HCN4: variants seen among roughly 807,000 people sequenced by gnomAD.
The protein encoded by HCN4 is hyperpolarization activated cyclic nucleotide gated potassium channel 4.
In HCN4, 29 loss-of-function variants were observed where a neutral mutation model predicts 76.9. The observed-to-expected ratio is 0.38, with a 90% CI of 0.28 to 0.51. The LOEUF is 0.51. Ranked by LOEUF, HCN4 falls within the 20% of genes least tolerant of loss-of-function variation. The pLI is 0.90. For missense variants in HCN4, 1,416 were observed against 1,715.2 expected (o/e 0.83, Z 3.08); for synonymous variants, 772 against 762.5 (o/e 1.01, Z -0.21).
At position 73,323,214 on chromosome 15, in the gene HCN4, G is replaced by T. The variant is rs2042874463; in HGVS notation, c.2879C>A (p.Pro960Gln). 3 of 1,532,340 alleles carry T rather than the reference G, an allele frequency of 2.0e-6. No homozygotes were observed. Among genetic ancestry groups the T allele is most frequent in the East Asian group, 2.3e-5 (1 of 43,748 alleles). The allele number at this position is 1,532,340 out of a possible 1,614,324, so 94.9% of individuals were successfully genotyped here. A position where few individuals can be genotyped will look rare whatever the true frequency, so the allele number is the denominator to read the frequency against. Residue 960 changes from proline (P) to glutamine (Q), a missense_variant, in exon 8 of 8, where the codon CCA becomes CAA. Physicochemically the swap from Pro to Gln is moderately conservative, Grantham distance 76. Around this residue, in one of 6 missense-constraint regions of HCN4, gnomAD observed 633 missense variants for 579.8 expected, o/e 1.09. Coordinates refer to ENST00000261917, the MANE Select transcript of HCN4 (RefSeq NM_005477.3). The part of the protein sequence containing the change: ...GGLGLPEHFL[P>Q]PPPSSRSPSS... ...CGGGGATCTGGATGAGGGTGGGGGT[G>T]GCAGGAAGTGCTCCGGGAGTCCCAG...
At chr15:73,351,050 A>G (rs2043053323) in intron 1 of HCN4, among the ~76,000 whole-genome samples, 1 of 151,968 alleles carries the variant, frequency 6.6e-6, no homozygotes, top group Non-Finnish European at 1.5e-5. Context: ...GCTAAATCCA[A>G]TGGTCACTTT....
intron 2 of HCN4, chr15:73,341,111 T>C (rs1190605301): frequency 2.6e-5 from 4 of 151,046 alleles, no homozygotes; most frequent in Non-Finnish European, 5.9e-5. Context: ...TGTATAAATA[T>C]ATATATATTA....
intron 2 of HCN4, among the ~76,000 whole-genome samples, chr15:73,334,699 C>G (rs548842471): frequency 6.6e-6 from 1 of 151,870 alleles, no homozygotes; most frequent in African/African-American, 2.4e-5. Context: ...CAGCCTCCCC[C>G]TCAAACAAGC....
chr15:73,337,758 A>G (rs1304351921), intron 2 of HCN4, among the ~76,000 whole-genome samples: 1 of 152,074 alleles, frequency 6.6e-6, no homozygotes, highest in African/African-American at 2.4e-5. Flanking sequence ...TAGTGTAGAC[A>G]GTGGAAGAAC....
chr15:73,351,663 G>C (rs2043055411), intron 1 of HCN4, among the ~76,000 whole-genome samples: 1 of 152,150 alleles, frequency 6.6e-6, no homozygotes, highest in Admixed American at 6.5e-5. Flanking sequence ...ACATACCTCA[G>C]GGTCAGGGCT....
At chr15:73,364,730 GGTAGA>G (rs1166307670) in intron 1 of HCN4, among the ~76,000 whole-genome samples, 1 of 152,136 alleles carries the variant, frequency 6.6e-6, no homozygotes, top group African/African-American at 2.4e-5. Flanking sequence ...ATCGGGGGCA[GGTAGA>G]GTAATGAGAA....
chr15:73,324,862 G>A, intron 6 of HCN4, 93 bp downstream of exon 6: 8 of 1,511,542 alleles, frequency 5.3e-6, no homozygotes, highest in South Asian at 1.2e-5. Context: ...CTGTGGCCAA[G>A]AAGGGTGCTC....
chr15:73,335,402 A>C (rs764612997), intron 2 of HCN4: 1 of 152,318 alleles, frequency 6.6e-6, no homozygotes, highest in Non-Finnish European at 1.5e-5. Context: ...CACAAGCCAC[A>C]GATTTGGATA....
chr15:73,356,374 CTTTTTTTTTTT>C (rs71137342), intron 1 of HCN4, among the ~76,000 whole-genome samples: 3 of 118,180 alleles, frequency 2.5e-5, no homozygotes, highest in Admixed American at 1.7e-4. Flanking sequence ...CTTTTCTTTT[CTTTTTTTTTTT>C]TTTTTTTTGT....
intron 7 of HCN4, 44 bp downstream of exon 7, chr15:73,324,045 C>T (rs772129638): frequency 1.2e-6 from 2 of 1,605,502 alleles, no homozygotes. Context: ...GCCCTCCTCC[C>T]CCAACACCCC....
At chr15:73,365,826 C>A (rs2043125876) in intron 1 of HCN4, among the ~76,000 whole-genome samples, 1 of 152,144 alleles carries the variant, frequency 6.6e-6, no homozygotes, top group Non-Finnish European at 1.5e-5. Flanking sequence ...GAGGGGAGGG[C>A]CCTTCAGCAA....
At position 73,368,157 on chromosome 15, in the gene HCN4, C is replaced by T. The variant is rs2043138792; in HGVS notation, c.114G>A (p.Gly38=). 1 of 1,526,154 alleles carries T rather than the reference C, an allele frequency of 6.6e-7. No individual in the cohort carries two copies. The highest frequency in any genetic ancestry group is 1.2e-5 in the South Asian group (1 of 82,154). 94.5% of individuals were successfully genotyped at this position (1,526,154 alleles called of 1,614,324 possible). A position where few individuals can be genotyped will look rare whatever the true frequency, so the allele number is the denominator to read the frequency against. The change falls in exon 1 of 8, where the codon GGG becomes GGA. Residue 38 remains glycine (G), a synonymous_variant. Coordinates refer to ENST00000261917, the MANE Select transcript of HCN4 (RefSeq NM_005477.3). The surrounding 1 kb of genome is among the most constrained non-coding windows in gnomAD (Gnocchi z 6.9). ...TCCTGCGGCTGGGGTCTTGGCGGCCCCCGGCCCCCTCCTCCTCGGCGTCCT... is the reference window on the plus strand; with the variant it reads ...TCCTGCGGCTGGGGTCTTGGCGGCCTCCGGCCCCCTCCTCCTCGGCGTCCT... The part of the protein sequence containing the change: ...EEEDAEEEGA[G]GRQDPSRRSI...
chr15:73,355,042 G>A (rs1326119814), intron 1 of HCN4, among the ~76,000 whole-genome samples: 1 of 152,236 alleles, frequency 6.6e-6, no homozygotes, highest in Admixed American at 6.5e-5. Flanking sequence ...CAGAGGGGAG[G>A]AGAAATTCAG....
At chr15:73,341,045 G>A (rs965982620) in intron 2 of HCN4, 1 of 149,992 alleles carries the variant, frequency 6.7e-6, no homozygotes, top group Non-Finnish European at 1.5e-5. Flanking sequence ...ATGTTACTAA[G>A]ACAACTTGGT....
At chr15:73,362,183 C>T (rs2043107795) in intron 1 of HCN4, among the ~76,000 whole-genome samples, 1 of 152,212 alleles carries the variant, frequency 6.6e-6, no homozygotes, top group Non-Finnish European at 1.5e-5. Flanking sequence ...AATCCCACAT[C>T]CCCACACTGG....
chr15:73,343,357 C>T lies in HCN4; in HGVS notation c.1209+28G>A. 1 of 1,610,888 alleles carries T rather than the reference C, an allele frequency of 6.2e-7. No homozygotes were observed. The highest frequency in any genetic ancestry group is 8.5e-7 in the Non-Finnish European group (1 of 1,177,784). On this transcript the variant is annotated intron_variant, in intron 2 of 7. Transcript: ENST00000261917. The surrounding 1 kb of genome is among the most constrained non-coding windows in gnomAD (Gnocchi z 5.7). ...CTCCCTCTGTGGGGAGTGGCCTTTC[C>T]CCCAAGAGGTTTGCACTGACCACTT...
intron 1 of HCN4, among the ~76,000 whole-genome samples, chr15:73,344,513 G>A (rs2151221470): frequency 6.6e-6 from 1 of 152,204 alleles, no homozygotes; most frequent in East Asian, 1.9e-4. Flanking sequence ...TTCCCTCAGA[G>A]GTTTGCATCC....
intron 6 of HCN4, 25 bp downstream of exon 6, chr15:73,324,930 C>T: frequency 6.2e-7 from 1 of 1,613,136 alleles, no homozygotes; most frequent in Non-Finnish European, 8.5e-7. Context: ...GCTGCCCTGT[C>T]CCCCAGGGCC....
At position 73,323,346 on chromosome 15, in the gene HCN4, C is replaced by T; in HGVS notation, c.2747G>A (p.Gly916Asp). ...GGGAGAGTCGGAGGAGGACAGGGAGCCACCCAGCGCCTTGTGGAAGTGGCC... is the reference window on the plus strand; with the variant it reads ...GGGAGAGTCGGAGGAGGACAGGGAGTCACCCAGCGCCTTGTGGAAGTGGCC... The part of the protein sequence containing the change: ...GFGHFHKALG[G>D]SLSSSDSPLL... Residue 916 changes from glycine (G) to aspartate (D), a missense_variant, in exon 8 of 8, where the codon GGC becomes GAC. By Grantham distance (94) the Gly-to-Asp change is moderately conservative (BLOSUM62 -1). Transcript: ENST00000261917. The T allele has an allele frequency of 1.3e-6, 2 of 1,567,728 alleles. No individual in the cohort carries two copies. The highest frequency in any genetic ancestry group is 8.6e-7 in the Non-Finnish European group (1 of 1,156,186).
Sources: gnomAD v4.1 joint callset for allele counts (sites outside exome capture counted in the v4.1 genomes callset) on GRCh38, gnomAD v4.1.1 for gene constraint, gnomAD v4.1.1 regional missense constraint, Gnocchi (gnomAD v3.1) non-coding constraint, MANE v1.5 for transcripts, NCBI Gene and HGNC (gene_info 2026-07-23, HGNC 2026-07-21) for gene names.